The following ZNF285 variants were observed in gnomAD, a reference collection of about 807,000 sequenced individuals.
ZNF285 encodes zinc finger protein 285A.
In ZNF285, 4 loss-of-function variants were observed where a neutral mutation model predicts 6.2. That is an observed-to-expected ratio of 0.65 (90% CI 0.32 to 1.49). The LOEUF is 1.49. ZNF285 is among the 40% of genes most tolerant of loss of function. The probability of loss-of-function intolerance (pLI) is 0.07; values close to 1 mark genes in which losing one functional copy is unlikely to be tolerated. For missense variants in ZNF285, 695 were observed against 708.8 expected, an observed-to-expected ratio of 0.98 and a Z score of 0.22; for synonymous variants, 240 against 245.8, an observed-to-expected ratio of 0.98 and a Z score of 0.22.
At chr19:44,389,704 T>C (rs2571094) in intron 3 of ZNF285, among the ~76,000 whole-genome samples, 45,088 of 152,028 alleles carry the variant, frequency 0.3, 12,015 homozygotes, top group African/African-American at 0.7. Flanking sequence ...CATATGTAAA[T>C]ATGTGCCATG....
At chr19:44,396,164 A>G (rs994852713) in intron 2 of ZNF285, among the ~76,000 whole-genome samples, 13 of 152,106 alleles carry the variant, frequency 8.5e-5, no homozygotes, top group African/African-American at 3.1e-4. Flanking sequence ...TCAGAGAAAA[A>G]CCAATACCAT....
rs73557001 is a variant in ZNF285 at position 44,388,044 on chromosome 19, C to T, written c.201G>A (p.Ser67=). 31 of 1,613,916 alleles carry T rather than the reference C, an allele frequency of 1.9e-5. No homozygotes were observed. Among genetic ancestry groups the T allele is most frequent in the South Asian group, 6.6e-5 (6 of 91,070 alleles). The change falls in exon 4 of 4, where the codon TCG becomes TCA. Residue 67 remains serine, a synonymous_variant. Coordinates refer to ENST00000614994, the MANE Select transcript of ZNF285 (RefSeq NM_152354.6). ...NLQAKGLSYL[S]QEVLHCWQIW... is the part of the protein sequence containing the mutation. ...TCTGCCAGCAATGAAGCACTTCTTG[C>T]GAAAGGTAACTTAACCCCTTTGCCT...
Position 44,387,107 on chromosome 19 carries a change from C to G in ZNF285, c.1138G>C (p.Gly380Arg), listed in dbSNP as rs369340847. 6.2e-7 allele frequency: 1 copy of G among 1,614,122 alleles called. No individual in the cohort carries two copies. Among genetic ancestry groups the G allele is most frequent in the Non-Finnish European group, 8.5e-7 (1 of 1,180,018 alleles). ...KPYKCEECGK[G>R]FDQSSNLLVH... ...AGAAGGTTGGAGCTCTGATCAAAGCCCTTCCCACACTCTTCACATTTATAG... is the reference window on the plus strand; with the variant it reads ...AGAAGGTTGGAGCTCTGATCAAAGCGCTTCCCACACTCTTCACATTTATAG... The change falls in exon 4 of 4, where the codon GGC becomes CGC. Residue 380 changes from glycine to arginine, a missense_variant. Coordinates refer to ENST00000614994, the MANE Select transcript of ZNF285 (RefSeq NM_152354.6).
Position 44,398,428 on chromosome 19 carries a change from C to T in ZNF285, c.-43-1172G>A, listed in dbSNP as rs150869618. ...AGAGTGAAGTCAGAATATTTATTCC[C>T]CCAGGTTTTTCCCTAGAGGTTGCTG... is the stretch of plus-strand genomic sequence containing the variant. On this transcript the variant is annotated intron_variant, in intron 1 of 3. Transcript: ENST00000614994. Among the ~76,000 whole-genome samples the T allele has an allele frequency of 5.1e-3, 780 of 152,244 alleles. 7 individuals are homozygous for T. Among genetic ancestry groups the T allele is most frequent in the African/African-American group, 0.018 (755 of 41,490 alleles).
In ZNF285 at chr19:44,383,805, C is replaced by A. The variant is rs542943805; in HGVS notation, c.*2667G>T. 1 of 152,224 alleles carries A rather than the reference C, an allele frequency of 6.6e-6. No individual in the cohort carries two copies. Among genetic ancestry groups the A allele is most frequent in the African/African-American group, 2.4e-5 (1 of 41,524 alleles). 9.4% of individuals were successfully genotyped at this position (152,224 alleles called of 1,614,324 possible). On this transcript the variant is annotated 3_prime_UTR_variant, in exon 4 of 4. Coordinates refer to ENST00000614994, the MANE Select transcript of ZNF285 (RefSeq NM_152354.6). ...TCTTCATTTGTAAATGAGATTGGCT[C>A]CCACTGATTGGGAGCTAGACTAATT... is the stretch of plus-strand genomic sequence containing the variant.
intron 1 of ZNF285, among the ~76,000 whole-genome samples, chr19:44,397,922 C>T (rs998381826): frequency 6.6e-6 from 1 of 150,672 alleles, no homozygotes. Context: ...AAAGAGAGAG[C>T]AATCTCAGGA....
rs759794651 is a variant in ZNF285 at position 44,387,799 on chromosome 19, G to A, written c.446C>T (p.Ser149Leu). The A allele has an allele frequency of 1.7e-5, 28 of 1,613,878 alleles. No individual in the cohort carries two copies. Among genetic ancestry groups the A allele is most frequent in the Middle Eastern group, 1.7e-4 (1 of 6,056 alleles). Residue 149 changes from serine (S) to leucine (L), a missense_variant, in exon 4 of 4, where the codon TCG becomes TTG. Ser to Leu is a moderately radical substitution (Grantham distance 145, BLOSUM62 -2). Coordinates refer to ENST00000614994, the MANE Select transcript of ZNF285 (RefSeq NM_152354.6). Reference protein sequence around the residue: ...QSLTQVLTPESWRKANIMTEP... With the variant: ...QSLTQVLTPELWRKANIMTEP... ...GGTCATTATGTTGGCTTTCCTCCAC[G>A]ATTCTGGGGTAAGAACCTGTGTCAG...
Position 44,384,320 on chromosome 19 carries a change from C to T in ZNF285, c.*2152G>A, listed in dbSNP as rs1971039359. 1.3e-5 allele frequency: 2 copies of T among 152,120 alleles called. No homozygotes were observed. The highest frequency in any genetic ancestry group is 4.2e-4 in the South Asian group (2 of 4,816). The allele number at this position is 152,120 out of a possible 1,614,324, so 9.4% of individuals were successfully genotyped here. A position where few individuals can be genotyped will look rare whatever the true frequency, so the allele number is the denominator to read the frequency against. ...ATTTTCCCCACTCATGTAATTACATCCTAAAAATACATTCTGAGAAGCAGG... is the reference window on the plus strand; with the variant it reads ...ATTTTCCCCACTCATGTAATTACATTCTAAAAATACATTCTGAGAAGCAGG... On this transcript the variant is annotated 3_prime_UTR_variant, in exon 4 of 4. Coordinates refer to ENST00000614994, the MANE Select transcript of ZNF285 (RefSeq NM_152354.6).
At chr19:44,401,072 G>A (rs1283828750) in intron 1 of ZNF285, among the ~76,000 whole-genome samples, 3 of 152,006 alleles carry the variant, frequency 2.0e-5, no homozygotes, top group Non-Finnish European at 4.4e-5. Context: ...GAACCTAGGG[G>A]TGCTGAGCCA....
intron 3 of ZNF285, chr19:44,392,068 G>T: frequency 1.2e-6 from 1 of 834,906 alleles, no homozygotes; most frequent in Non-Finnish European, 1.6e-6. Context: ...GAGCCTAAAT[G>T]TGTGAGTAGG....
chr19:44,386,504 G>C lies in ZNF285; in HGVS notation c.1741C>G (p.Gln581Glu). Residue 581 changes from glutamine (Q) to glutamate (E), a missense_variant, in exon 4 of 4, where the codon CAA (glutamine) becomes GAA (glutamate). Transcript: ENST00000614994. Reference sequence around the variant, plus strand: ...GTTTCTCTCTGCTCATGTAGTCTTTGATGAGTCAGAAGGTCCTTTCCACGC... The same window carrying C: ...GTTTCTCTCTGCTCATGTAGTCTTTCATGAGTCAGAAGGTCCTTTCCACGC... ...CERGKDLLTH[Q>E]RLHEQRETL 1 of 1,613,454 alleles carries C rather than the reference G, an allele frequency of 6.2e-7. No homozygotes were observed.
chr19:44,382,343 G>C lies in ZNF285; in HGVS notation c.*4129C>G, dbSNP rs1297992782. 6.9e-6 allele frequency: 1 copy of C among 144,920 alleles called. No individual in the cohort carries two copies. Among genetic ancestry groups the C allele is most frequent in the Admixed American group, 7.1e-5 (1 of 14,038 alleles). 9.0% of individuals were successfully genotyped at this position (144,920 alleles called of 1,614,324 possible). On this transcript the variant is annotated 3_prime_UTR_variant, in exon 4 of 4. Coordinates refer to ENST00000614994, the MANE Select transcript of ZNF285 (RefSeq NM_152354.6). ...AGACAGAGTCTTGCCCTGTCGCCTG[G>C]GCTGGAGTGCAGTGGTGCGATCTTG...
At chr19:44,392,318 G>C (rs768227458) in intron 3 of ZNF285, 22 bp downstream of exon 3, 1 of 1,613,686 alleles carries the variant, frequency 6.2e-7, no homozygotes. Flanking sequence ...CAGGTCCAGT[G>C]GTCTCATGCT....
intron 2 of ZNF285, chr19:44,396,767 C>T (rs79054858): frequency 1.8e-5 from 3 of 164,836 alleles, no homozygotes; most frequent in Admixed American, 1.8e-4. Context: ...GCCTTGCTGA[C>T]TGAACTCTGA....
chr19:44,386,359 TGGCAGTG>T lies in ZNF285; in HGVS notation c.*106_*112del. 1 of 1,134,252 alleles carries T rather than the reference TGGCAGTG, an allele frequency of 8.8e-7. No individual in the cohort carries two copies. The highest frequency in any genetic ancestry group is 2.5e-5 in the East Asian group (1 of 39,254). The allele number at this position is 1,134,252 out of a possible 1,614,324, so 70.3% of individuals were successfully genotyped here. ...CAGTGCTGCAGGCTGACATTATCGA[TGGCAGTG>T]TCCCTGTCTTTTGCTCCCCTAGCCC... is the stretch of plus-strand genomic sequence containing the variant. On this transcript the variant is annotated 3_prime_UTR_variant, in exon 4 of 4. Transcript: ENST00000614994.
Position 44,383,479 on chromosome 19 carries a change from T to C in ZNF285, c.*2993A>G, listed in dbSNP as rs1377399965. On this transcript the variant is annotated 3_prime_UTR_variant, in exon 4 of 4. Transcript: ENST00000614994. ...AGAGAGAACTTCGTTGTCTCATCTA[T>C]GACCATCATAAAACAGCCAGGCCCA... is the stretch of plus-strand genomic sequence containing the variant. 4 of 152,308 alleles carry C rather than the reference T, an allele frequency of 2.6e-5. No homozygotes were observed. Among genetic ancestry groups the C allele is most frequent in the South Asian group, 4.1e-4 (2 of 4,828 alleles). The allele number at this position is 152,308 out of a possible 1,614,324, so 9.4% of individuals were successfully genotyped here.
At chr19:44,393,062 A>G (rs984156945) in intron 2 of ZNF285, among the ~76,000 whole-genome samples, 1 of 152,180 alleles carries the variant, frequency 6.6e-6, no homozygotes, top group Non-Finnish European at 1.5e-5. Context: ...TCAACTAGGT[A>G]TTAAAAAATA....
At chr19:44,392,120 G>T in intron 3 of ZNF285, 1 of 1,389,488 alleles carries the variant, frequency 7.2e-7, no homozygotes, top group Non-Finnish European at 9.3e-7. Context: ...CCACAGGCCA[G>T]GGGTATGAGA....
At position 44,388,020 on chromosome 19, in the gene ZNF285, C is replaced by G. The variant is rs763818931; in HGVS notation, c.225G>C (p.Gln75His). Reference protein sequence around the residue: ...YLSQEVLHCWQIWKQRIRDLT... With the variant: ...YLSQEVLHCWHIWKQRIRDLT... ...AATCCCGGATCCTTTGTTTCCAAATCTGCCAGCAATGAAGCACTTCTTGCG... is the reference window on the plus strand; with the variant it reads ...AATCCCGGATCCTTTGTTTCCAAATGTGCCAGCAATGAAGCACTTCTTGCG... The change falls in exon 4 of 4, where the codon CAG becomes CAC. Residue 75 changes from glutamine (Q) to histidine (H), a missense_variant. Coordinates refer to ENST00000614994, the MANE Select transcript of ZNF285 (RefSeq NM_152354.6). 2 of 1,614,148 alleles carry G rather than the reference C, an allele frequency of 1.2e-6. No homozygotes were observed. The highest frequency in any genetic ancestry group is 8.5e-7 in the Non-Finnish European group (1 of 1,180,006).
Sources: gnomAD v4.1 joint callset for allele counts (sites outside exome capture counted in the v4.1 genomes callset) on GRCh38, gnomAD v4.1.1 for gene constraint, MANE v1.5 for transcripts, NCBI Gene and HGNC (gene_info 2026-07-23, HGNC 2026-07-21) for gene names.